The following ALMS1 variants were observed in gnomAD, a reference collection of about 807,000 sequenced individuals.
ALMS1 encodes ALMS1 centrosome and basal body associated protein.
ALMS1 carries 271 observed loss-of-function variants against 352.2 expected under a neutral mutation model. The ratio of observed to expected loss-of-function variants is 0.77; its 90% confidence interval spans 0.70 to 0.85. ALMS1 has a LOEUF of 0.85. ALMS1 is among the 40% of genes least tolerant of loss of function. The pLI is 0.00. For missense variants in ALMS1, 5,445 were observed against 4,870.7 expected (o/e 1.12, Z -3.51); for synonymous variants, 1,865 against 1,761.2 (o/e 1.06, Z -1.48).
rs1674563479 is a variant in ALMS1 at position 73,557,151 on chromosome 2, G to A, written c.10079-69G>A. The stretch of plus-strand genomic sequence containing the variant: ...TTTGGGGTTTTGTTTGTAATTGTGG[G>A]GGAGGATTACTTGTCTGTTGTGTTT... On this transcript the variant is annotated intron_variant, in intron 13 of 22. Transcript: ENST00000613296. The A allele has an allele frequency of 6.3e-6, 10 of 1,599,948 alleles. No homozygotes were observed. In the Admixed American group the frequency reaches 1.7e-4, roughly 27 times the overall value.
chr2:73,395,443 G>A (rs1259127468), intron 1 of ALMS1, among the ~76,000 whole-genome samples: 1 of 152,028 alleles, frequency 6.6e-6, no homozygotes, highest in East Asian at 1.9e-4. Flanking sequence ...ATGTTCTGAT[G>A]TGGCATACAA....
intron 16 of ALMS1, among the ~76,000 whole-genome samples, chr2:73,591,884 C>T (rs1675441770): frequency 6.6e-6 from 1 of 152,162 alleles, no homozygotes; most frequent in Non-Finnish European, 1.5e-5. Context: ...ATTGTATGAT[C>T]ATTTGTCAAC....
chr2:73,413,381 C>T (rs1244094042), intron 2 of ALMS1, among the ~76,000 whole-genome samples: 3 of 152,000 alleles, frequency 2.0e-5, no homozygotes, highest in Non-Finnish European at 2.9e-5. Flanking sequence ...GAAATCTTGG[C>T]CTAATCCTAT....
At chr2:73,456,896 C>G (rs1003661481) in intron 9 of ALMS1, 1 of 151,888 alleles carries the variant, frequency 6.6e-6, no homozygotes, top group Non-Finnish European at 1.5e-5. Flanking sequence ...TATTTTCTTG[C>G]GTTCATATTT....
At chr2:73,508,228 A>T (rs1179956725) in intron 10 of ALMS1, among the ~76,000 whole-genome samples, 1 of 106,852 alleles carries the variant, frequency 9.4e-6, no homozygotes, top group African/African-American at 4.0e-5. Context: ...TTTTTTTCCG[A>T]GTCTCACTCT....
chr2:73,569,200 A>G (rs1674870053), intron 15 of ALMS1, among the ~76,000 whole-genome samples: 1 of 151,234 alleles, frequency 6.6e-6, no homozygotes, highest in African/African-American at 2.4e-5. Context: ...TTTTTAGTAG[A>G]GATGGGGTTT....
Position 73,490,187 on chromosome 2 carries a change from C to T in ALMS1, c.8228C>T (p.Thr2743Ile). The change falls in exon 10 of 23, where the codon ACT becomes ATT. Residue 2743 changes from threonine (T) to isoleucine (I), a missense_variant. By Grantham distance (89) the Thr-to-Ile change is moderately conservative. Transcript: ENST00000613296. ...GGTGTTACTGAAGGTAGCCAGTGTA[C>T]TGGAGCATCTGTGGGGGTATTTAAT... ...KVGVTEGSQC[T>I]GASVGVFNSH... is the part of the protein sequence containing the mutation. 2 of 1,614,172 alleles carry T rather than the reference C, an allele frequency of 1.2e-6. No individual in the cohort carries two copies. The highest frequency in any genetic ancestry group is 1.1e-5 in the South Asian group (1 of 91,084).
intron 5 of ALMS1, among the ~76,000 whole-genome samples, chr2:73,425,219 G>A (rs984229765): frequency 2.0e-5 from 3 of 152,074 alleles, no homozygotes; most frequent in African/African-American, 7.2e-5. Context: ...CTGAGATTGA[G>A]GTGAAACAAA....
chr2:73,513,801 G>T (rs1377268135), intron 10 of ALMS1, among the ~76,000 whole-genome samples: 4 of 152,066 alleles, frequency 2.6e-5, no homozygotes, highest in African/African-American at 7.2e-5. Context: ...CCACACGTCT[G>T]CAGAGACTGT....
At chr2:73,482,064 T>C (rs1169067388) in intron 9 of ALMS1, among the ~76,000 whole-genome samples, 1 of 152,218 alleles carries the variant, frequency 6.6e-6, no homozygotes, top group African/African-American at 2.4e-5. Context: ...TTGAATAGCT[T>C]TTATTTCCTT....
At chr2:73,392,255 C>T (rs1670665669) in intron 1 of ALMS1, among the ~76,000 whole-genome samples, 1 of 110,882 alleles carries the variant, frequency 9.0e-6, no homozygotes, top group African/African-American at 3.5e-5. Context: ...CTTAGGTTTA[C>T]TTTGATGTGT....
At chr2:73,524,428 G>A (rs1303862388) in intron 11 of ALMS1, among the ~76,000 whole-genome samples, 1 of 152,036 alleles carries the variant, frequency 6.6e-6, no homozygotes, top group Non-Finnish European at 1.5e-5. Context: ...TAACAATCCA[G>A]TTACATTATT....
intron 11 of ALMS1, among the ~76,000 whole-genome samples, chr2:73,532,215 C>T (rs559444513): frequency 1.3e-5 from 2 of 152,302 alleles, no homozygotes; most frequent in Admixed American, 1.3e-4. Flanking sequence ...CACTGGTTCT[C>T]GCCTGAGGTC....
chr2:73,586,554 T>C (rs1675318104), intron 16 of ALMS1, among the ~76,000 whole-genome samples: 1 of 152,220 alleles, frequency 6.6e-6, no homozygotes, highest in Non-Finnish European at 1.5e-5. Flanking sequence ...ATCAGTTGGC[T>C]GTAAGTATTT....
intron 9 of ALMS1, among the ~76,000 whole-genome samples, chr2:73,480,436 T>G (rs986967739): frequency 6.6e-6 from 1 of 152,240 alleles, no homozygotes; most frequent in African/African-American, 2.4e-5. Context: ...TAGTATTCCA[T>G]GGTGTATATG....
chr2:73,451,870 G>C lies in ALMS1; in HGVS notation c.5343G>C (p.Glu1781Asp), dbSNP rs1671948778. Residue 1781 changes from glutamate (E) to aspartate (D), a missense_variant, in exon 8 of 23, where the codon GAG (glutamate) becomes GAC (aspartate). Physicochemically the swap from Glu to Asp is conservative, Grantham distance 45. Coordinates refer to ENST00000613296, the MANE Select transcript of ALMS1 (RefSeq NM_001378454.1). Reference sequence around the variant, plus strand: ...TGCCAGATAGTCATCTAACTGAAGAGGCTCTGAAAGTTTCAAATGTTCCTG... The same window carrying C: ...TGCCAGATAGTCATCTAACTGAAGACGCTCTGAAAGTTTCAAATGTTCCTG... Reference protein sequence around the residue: ...QELPDSHLTEEALKVSNVPGP... With the variant: ...QELPDSHLTEDALKVSNVPGP... 6.2e-7 allele frequency: 1 copy of C among 1,613,260 alleles called. No individual in the cohort carries two copies. The highest frequency in any genetic ancestry group is 1.3e-5 in the African/African-American group (1 of 74,728).
intron 10 of ALMS1, among the ~76,000 whole-genome samples, chr2:73,506,449 C>G (rs1347903555): frequency 6.6e-6 from 1 of 152,096 alleles, no homozygotes; most frequent in Non-Finnish European, 1.5e-5. Context: ...TGTTTGTGTC[C>G]TCTCTTATTT....
chr2:73,498,113 T>C (rs1306561061), intron 10 of ALMS1, among the ~76,000 whole-genome samples: 1 of 152,220 alleles, frequency 6.6e-6, no homozygotes, highest in African/African-American at 2.4e-5. Flanking sequence ...TACCTTAATT[T>C]AAAAATTCTT....
chr2:73,410,387 CAAAAA>C (rs1018252556), intron 2 of ALMS1, among the ~76,000 whole-genome samples: 1 of 151,204 alleles, frequency 6.6e-6, no homozygotes, highest in Non-Finnish European at 1.5e-5. Flanking sequence ...AGACTTGTCT[CAAAAA>C]AAAGCAAAAA....
Sources: gnomAD v4.1 joint callset for allele counts (sites outside exome capture counted in the v4.1 genomes callset) on GRCh38, gnomAD v4.1.1 for gene constraint, MANE v1.5 for transcripts, NCBI Gene and HGNC (gene_info 2026-07-23, HGNC 2026-07-21) for gene names.